The following DNAH11 variants were observed in gnomAD, a reference collection of about 807,000 sequenced individuals.
DNAH11 encodes the protein axonemal beta dynein heavy chain 11.
DNAH11 carries 442 observed loss-of-function variants against 526.0 expected under a neutral mutation model. The observed-to-expected ratio is 0.84, with a 90% CI of 0.78 to 0.91. DNAH11 has a LOEUF of 0.91. Among genes scored for constraint, DNAH11 ranks in the 40% least tolerant of loss-of-function variants. DNAH11 has a pLI of 0.00. For missense variants in DNAH11, 6,989 were observed against 5,448.7 expected, an observed-to-expected ratio of 1.28 and a Z score of -8.90; for synonymous variants, 2,461 against 1,935.9, an observed-to-expected ratio of 1.27 and a Z score of -7.12.
At chr7:21,700,183 C>G (rs776087468) in intron 36 of DNAH11, among the ~76,000 whole-genome samples, 31 of 152,136 alleles carry the variant, frequency 2.0e-4, no homozygotes, top group Non-Finnish European at 4.1e-4. Flanking sequence ...CTAATTCTGT[C>G]TAGGACACAC....
intron 9 of DNAH11, among the ~76,000 whole-genome samples, chr7:21,583,829 G>A (rs927582518): frequency 6.6e-6 from 1 of 152,172 alleles, no homozygotes; most frequent in Admixed American, 6.5e-5. Flanking sequence ...ATGAAAAAAA[G>A]CTCATCATCA....
At position 21,866,418 on chromosome 7, in the gene DNAH11, A is replaced by C. The variant is rs1783280508; in HGVS notation, c.11497-52A>C. ...ATACATTCACAAGTCTTCTTCTCAAACTGTAAAGTATCGTTCACACCATTC... is the reference window on the plus strand; with the variant it reads ...ATACATTCACAAGTCTTCTTCTCAACCTGTAAAGTATCGTTCACACCATTC... On this transcript the variant is annotated intron_variant, in intron 70 of 81. Coordinates refer to ENST00000409508, the MANE Select transcript of DNAH11 (RefSeq NM_001277115.2). The C allele has an allele frequency of 5.3e-6, 8 of 1,515,622 alleles. No homozygotes were observed. The Admixed American group carries it at 1.7e-4, about 32-fold the overall frequency. 93.9% of individuals were successfully genotyped at this position (1,515,622 alleles called of 1,614,324 possible).
intron 27 of DNAH11, 29 bp downstream of exon 27, chr7:21,637,731 A>G (rs751661706): frequency 6.7e-6 from 9 of 1,347,530 alleles, no homozygotes; most frequent in South Asian, 1.5e-5. Flanking sequence ...AAGATAATCA[A>G]TTTACTGTAA....
intron 2 of DNAH11, among the ~76,000 whole-genome samples, chr7:21,553,099 A>G (rs1377138717): frequency 1.8e-5 from 2 of 109,494 alleles, no homozygotes; most frequent in African/African-American, 1.0e-4. Context: ...TTTTTTGCAA[A>G]CTACTTCTCT....
chr7:21,814,349 A>T (rs11337904), intron 63 of DNAH11, among the ~76,000 whole-genome samples: 104,664 of 142,830 alleles, frequency 0.73, 37,187 homozygotes, highest in East Asian at 0.83. Flanking sequence ...TTATTTATTT[A>T]TTTTTTTTTT....
At chr7:21,771,367 G>A (rs1158132252) in intron 55 of DNAH11, among the ~76,000 whole-genome samples, 1 of 152,168 alleles carries the variant, frequency 6.6e-6, no homozygotes, top group African/African-American at 2.4e-5. Flanking sequence ...TCATTTTCAA[G>A]AGGAATATAC....
chr7:21,797,230 T>C lies in DNAH11; in HGVS notation c.10027-3907T>C, dbSNP rs1053358805. Among the ~76,000 whole-genome samples, 10 of 152,112 alleles carry C rather than the reference T, an allele frequency of 6.6e-5. No individual in the cohort carries two copies. In the East Asian group the frequency reaches 1.7e-3, roughly 26 times the overall value. ...TATTTGCTTTGAACTTTTTTTTTTT[T>C]CCTTTTGAGACAGAGTTTTGTTCTT... On this transcript the variant is annotated intron_variant, in intron 61 of 81. Coordinates refer to ENST00000409508, the MANE Select transcript of DNAH11 (RefSeq NM_001277115.2).
At chr7:21,670,319 T>C (rs1782593689) in intron 30 of DNAH11, among the ~76,000 whole-genome samples, 1 of 152,042 alleles carries the variant, frequency 6.6e-6, no homozygotes, top group Non-Finnish European at 1.5e-5. Flanking sequence ...TTTTTAAATT[T>C]CATTTCCCAG....
rs776416139 is a variant in DNAH11 at position 21,744,879 on chromosome 7, A to T, written c.8326A>T (p.Ser2776Cys). The part of the protein sequence containing the change: ...TAYKYFEGID[S>C]HMLLQQPLIY... The stretch of plus-strand genomic sequence containing the variant: ...CTTTCTCATCCTGCAGGGTATAGAT[A>T]GTCACATGCTGCTTCAACAGCCCCT... The change falls in exon 51 of 82, where the codon AGT becomes TGT. Residue 2776 changes from serine (S) to cysteine (C), a missense_variant. Ser to Cys is a moderately radical substitution (Grantham distance 112, BLOSUM62 -1). Coordinates refer to ENST00000409508, the MANE Select transcript of DNAH11 (RefSeq NM_001277115.2). The T allele has an allele frequency of 3.1e-6, 5 of 1,608,780 alleles. No individual in the cohort carries two copies. The highest frequency in any genetic ancestry group is 4.2e-6 in the Non-Finnish European group (5 of 1,177,598).
chr7:21,808,728 G>A (rs1307174566), intron 63 of DNAH11, among the ~76,000 whole-genome samples: 1 of 152,110 alleles, frequency 6.6e-6, no homozygotes, highest in Non-Finnish European at 1.5e-5. Flanking sequence ...TTGTTTTTAT[G>A]GCTGAATAGT....
Position 21,574,564 on chromosome 7 carries a change from C to CTTTTTTTTT in DNAH11, c.1593+2600_1593+2608dup, listed in dbSNP as rs35535321. ...CCTCCCTCCCTCCCTCCCTTCCTTC[C>CTTTTTTTTT]TTTTTTTTTTTTTTTTTAAGACAGA... is the stretch of plus-strand genomic sequence containing the variant. On this transcript the variant is annotated intron_variant, in intron 8 of 81. Transcript: ENST00000409508. Among the ~76,000 whole-genome samples, 651 of 123,806 alleles carry CTTTTTTTTT rather than the reference C, an allele frequency of 5.3e-3. 9 individuals are homozygous for CTTTTTTTTT. Among genetic ancestry groups the CTTTTTTTTT allele is most frequent in the African/African-American group, 0.019 (607 of 31,266 alleles). The allele number at this position is 123,806 out of a possible 152,430, so 81.2% of individuals were successfully genotyped here. A position where few individuals can be genotyped will look rare whatever the true frequency, so the allele number is the denominator to read the frequency against.
chr7:21,870,656 A>G lies in DNAH11; in HGVS notation c.11967+1665A>G, dbSNP rs534848463. On this transcript the variant is annotated intron_variant, in intron 73 of 81. Transcript: ENST00000409508. Reference sequence around the variant, plus strand: ...CAAAAGAACGTATTCAAAATAAACTATTTCCATTACTTTTGTATCTGTGCT... The same window carrying G: ...CAAAAGAACGTATTCAAAATAAACTGTTTCCATTACTTTTGTATCTGTGCT... Among the ~76,000 whole-genome samples the G allele has an allele frequency of 1.6e-4, 25 of 152,312 alleles. 1 individual carries two copies. The highest frequency in any genetic ancestry group is 5.5e-4 in the African/African-American group (23 of 41,574).
In DNAH11 at chr7:21,779,089, T is replaced by C. The variant is rs201207627; in HGVS notation, c.9468T>C (p.Asp3156=). The change falls in exon 57 of 82, where the codon GAT becomes GAC. Residue 3156 remains aspartate (D), a synonymous_variant. Transcript: ENST00000409508. ...EKVSREKTIA[D]AEERKVTAIQ... ...TGAGCCGGGAAAAGACCATCGCTGA[T>C]GCTGAGGAGCGAAAGGTCAGGCTAA... The C allele has an allele frequency of 2.7e-3, 4,277 of 1,612,686 alleles. 12 individuals carry two copies. Among genetic ancestry groups the C allele is most frequent in the Non-Finnish European group, 3.3e-3 (3,900 of 1,178,970 alleles).
intron 65 of DNAH11, among the ~76,000 whole-genome samples, chr7:21,822,137 C>T (rs1277249014): frequency 6.6e-6 from 1 of 151,942 alleles, no homozygotes. Context: ...TAAAGGAATA[C>T]CTGAGACTGG....
chr7:21,598,920 G>A (rs895821627), intron 14 of DNAH11, among the ~76,000 whole-genome samples: 5 of 144,610 alleles, frequency 3.5e-5, no homozygotes, highest in Admixed American at 6.9e-5. Flanking sequence ...ACATGATCTC[G>A]TTGTTTTTTA....
At chr7:21,588,417 G>A (rs1451827621) in intron 10 of DNAH11, 95 bp from the exon 11 acceptor site, 10 of 1,505,168 alleles carry the variant, frequency 6.6e-6, no homozygotes, top group Non-Finnish European at 9.1e-6. Context: ...TTATACTACT[G>A]TAAAAATACC....
chr7:21,818,077 A>G (rs1789883673), intron 64 of DNAH11, 140 bp from the exon 65 acceptor site: 1 of 718,344 alleles, frequency 1.4e-6, no homozygotes. Flanking sequence ...GTGGAAGGGA[A>G]CTACTACTTT....
At chr7:21,804,017 G>C (rs10233760) in intron 62 of DNAH11, among the ~76,000 whole-genome samples, 57,370 of 151,844 alleles carry the variant, frequency 0.38, 11,522 homozygotes, top group East Asian at 0.75. Flanking sequence ...GGTTCTCTTA[G>C]CAAGAAACGA....
intron 8 of DNAH11, among the ~76,000 whole-genome samples, chr7:21,574,150 G>C (rs546072824): frequency 1.5e-4 from 23 of 152,190 alleles, no homozygotes; most frequent in African/African-American, 5.1e-4. Context: ...TATGGGAAGA[G>C]ACTTGCTTTC....
Sources: gnomAD v4.1 joint callset for allele counts (sites outside exome capture counted in the v4.1 genomes callset) on GRCh38, gnomAD v4.1.1 for gene constraint, MANE v1.5 for transcripts, NCBI Gene and HGNC (gene_info 2026-07-23, HGNC 2026-07-21) for gene names.